NCR1: variants seen among roughly 807,000 people sequenced by gnomAD.
The protein encoded by NCR1 is natural cytotoxicity triggering receptor 1.
A neutral mutation model predicts 32.5 loss-of-function variants in NCR1; 30 were observed. That is an observed-to-expected ratio of 0.92 (90% CI 0.69 to 1.25). The LOEUF is 1.25. Ranked by LOEUF, NCR1 falls within the 50% of genes most tolerant of loss-of-function variation. NCR1 has a pLI of 0.00. For missense variants in NCR1, 369 were observed against 380.7 expected (o/e 0.97, Z 0.26); for synonymous variants, 169 against 143.4 (o/e 1.18, Z -1.28).
the NCR1 span, chr19:54,933,578 T>G: frequency 6.2e-7 from 1 of 1,614,210 alleles, no homozygotes; most frequent in Non-Finnish European, 8.5e-7. Flanking sequence ...CACCAAGGTC[T>G]GCAGTTTACA....
the NCR1 span, among the ~76,000 whole-genome samples, chr19:54,932,843 G>A: frequency 3.3e-5 from 5 of 151,890 alleles, no homozygotes; most frequent in Non-Finnish European, 7.4e-5. Context: ...TTTTAGTAGC[G>A]ATGGGTTTTC....
At chr19:54,933,338 G>T in the NCR1 span, among the ~76,000 whole-genome samples, 3 of 151,970 alleles carry the variant, frequency 2.0e-5, no homozygotes, top group African/African-American at 7.3e-5. Context: ...GTACAGACAG[G>T]GTTTCACCAT....
chr19:54,934,564 T>C, the NCR1 span: 63 of 1,614,054 alleles, frequency 3.9e-5, no homozygotes, highest in South Asian at 6.3e-4. The surrounding 1 kb of genome is among the most constrained non-coding windows in gnomAD (Gnocchi z 6.7). Context: ...CAGGAGCACA[T>C]TGGCTGAGAG....
At chr19:54,930,439 G>C in the NCR1 span, 1 of 1,230,576 alleles carries the variant, frequency 8.1e-7, no homozygotes, top group Middle Eastern at 2.2e-4. Flanking sequence ...TCCAGGCTGG[G>C]GGACAGAGCA....
chr19:54,926,916 TAAAAAA>T, the NCR1 span, among the ~76,000 whole-genome samples: 3 of 26,610 alleles, frequency 1.1e-4, no homozygotes, highest in Non-Finnish European at 2.9e-4. Flanking sequence ...ACTCTGTCTT[TAAAAAA>T]AAAAAAAAAA....
chr19:54,903,313 CATACATGTATAT>C (rs952213480), upstream of NCR1, among the ~76,000 whole-genome samples: 1 of 123,870 alleles, frequency 8.1e-6, no homozygotes, highest in Non-Finnish European at 1.7e-5. Flanking sequence ...TATATGTATA[CATACATGTATAT>C]ATACATGTAT....
chr19:54,915,470 T>C (rs1051768584), downstream of NCR1, among the ~76,000 whole-genome samples: 4 of 151,990 alleles, frequency 2.6e-5, no homozygotes, highest in African/African-American at 9.7e-5. Context: ...GCCAACACGG[T>C]AAAACCCCAT....
the NCR1 span, among the ~76,000 whole-genome samples, chr19:54,935,203 C>T: frequency 6.8e-6 from 1 of 146,728 alleles, no homozygotes; most frequent in Non-Finnish European, 1.5e-5. Context: ...ACCAAAACGG[C>T]CTGTGTGGAT....
intron 4 of NCR1, 33 bp from the exon 5 acceptor site, chr19:54,909,985 C>T (rs1444568525): frequency 1.9e-6 from 3 of 1,551,546 alleles, no homozygotes; most frequent in Non-Finnish European, 2.6e-6. Context: ...AAACCAAAAA[C>T]CCTTACTTTT....
intron 2 of NCR1, 59 bp from the exon 3 acceptor site, chr19:54,906,464 G>C (rs1449942852): frequency 5.6e-5 from 89 of 1,599,718 alleles, no homozygotes; most frequent in Non-Finnish European, 7.0e-5. Flanking sequence ...CAGCTGGGTG[G>C]AGCCTAAGGT....
At chr19:54,915,572 A>G (rs972545828), downstream of NCR1, among the ~76,000 whole-genome samples, 1 of 152,170 alleles carries the variant, frequency 6.6e-6, no homozygotes, top group Non-Finnish European at 1.5e-5. Flanking sequence ...GAATCACTTG[A>G]ACCCGGGAGG....
chr19:54,933,528 G>T, the NCR1 span: 2 of 1,605,924 alleles, frequency 1.2e-6, no homozygotes, highest in Non-Finnish European at 1.7e-6. Flanking sequence ...TCTCCTGCTT[G>T]AATTCATGTG....
the NCR1 span, chr19:54,938,190 A>G: frequency 1.2e-6 from 2 of 1,614,122 alleles, no homozygotes; most frequent in East Asian, 2.2e-5. Flanking sequence ...TCCAGAGGCG[A>G]AGAGAGCGAA....
intron 3 of NCR1, among the ~76,000 whole-genome samples, chr19:54,907,900 TTGTC>T (rs1454320822): frequency 6.6e-6 from 1 of 152,254 alleles, no homozygotes; most frequent in African/African-American, 2.4e-5. Flanking sequence ...TATATATTTT[TTGTC>T]TGTGCCTTTT....
the NCR1 span, chr19:54,934,691 G>A: frequency 6.3e-7 from 1 of 1,591,274 alleles, no homozygotes; most frequent in Non-Finnish European, 8.6e-7. This position sits in a 1 kb window ranked among gnomAD's most constrained non-coding sequence, Gnocchi z 6.7. Context: ...TCATTCTTCT[G>A]GGAGGACAGA....
At position 54,906,338 on chromosome 19, in the gene NCR1, A is replaced by G. The variant is rs2067608609; in HGVS notation, c.70+4A>G. The G allele has an allele frequency of 6.2e-7, 1 of 1,613,282 alleles. No individual in the cohort carries two copies. Among genetic ancestry groups the G allele is most frequent in the African/African-American group, 1.3e-5 (1 of 74,920 alleles). On this transcript the variant is annotated splice_donor_region_variant and intron_variant, in intron 2 of 6. Transcript: ENST00000291890. ...CAGAGGATCAGCGCCCAGCAGCGTG[A>G]GTCCTTCCTTCAAAGCCCAGGGTCA...
At chr19:54,930,406 G>A in the NCR1 span, 2 of 860,372 alleles carry the variant, frequency 2.3e-6, no homozygotes, top group South Asian at 2.7e-5. Flanking sequence ...AAGCCGCAGT[G>A]AGCCGTAATC....
At chr19:54,933,754 A>G in the NCR1 span, 1 of 1,611,126 alleles carries the variant, frequency 6.2e-7, no homozygotes, top group African/African-American at 1.3e-5. Context: ...AAAAATATGA[A>G]ACAAATGGTA....
At chr19:54,934,716 C>CTTT in the NCR1 span, 12 of 1,129,228 alleles carry the variant, frequency 1.1e-5, no homozygotes, top group South Asian at 1.7e-5. The surrounding 1 kb of genome is among the most constrained non-coding windows in gnomAD (Gnocchi z 6.7). Flanking sequence ...ACCCTATCAG[C>CTTT]TTTTTTTTTT....
Sources: gnomAD v4.1 joint callset for allele counts (sites outside exome capture counted in the v4.1 genomes callset) on GRCh38, gnomAD v4.1.1 for gene constraint, Gnocchi (gnomAD v3.1) non-coding constraint, MANE v1.5 for transcripts, NCBI Gene and HGNC (gene_info 2026-07-23, HGNC 2026-07-21) for gene names.